GLRA1: variants seen among roughly 807,000 people sequenced by gnomAD.
GLRA1 encodes glycine receptor alpha 1.
In GLRA1, 37 loss-of-function variants were observed where a neutral mutation model predicts 48.3. The observed-to-expected ratio is 0.77, with a 90% confidence interval of 0.59 to 1.01. The LOEUF (loss-of-function observed/expected upper bound fraction) is 1.01. GLRA1 is among the 50% of genes least tolerant of loss of function. The probability of loss-of-function intolerance (pLI) is 0.00; values close to 1 mark genes in which losing one functional copy is unlikely to be tolerated. For synonymous variants in GLRA1, 196 were observed against 210.7 expected (o/e 0.93, Z 0.60); for missense variants, 427 against 571.0 (o/e 0.75, Z 2.57).
rs1348360268 is a variant in GLRA1 at position 151,924,529 on chromosome 5, A to C, written c.21T>G (p.Leu7=). 6.2e-7 allele frequency: 1 copy of C among 1,604,440 alleles called. No homozygotes were observed. Among genetic ancestry groups the C allele is most frequent in the Non-Finnish European group, 8.5e-7 (1 of 1,171,182 alleles). ...CAATGGTCTCCCAAAGGTAGAGTCG[A>C]AGAGTATTGAAGCTGTACATTTTTC... MYSFNT[L]RLYLWETIVF... is the part of the protein sequence containing the mutation. Residue 7 remains leucine, a synonymous_variant, in exon 1 of 9, where the codon CTT becomes CTG. Transcript: ENST00000274576.
intron 1 of GLRA1, among the ~76,000 whole-genome samples, chr5:151,897,426 A>G (rs761324736): frequency 1.3e-5 from 2 of 152,086 alleles, no homozygotes; most frequent in Non-Finnish European, 1.5e-5. Flanking sequence ...AATTTTCTGA[A>G]CCTTATAACA....
intron 1 of GLRA1, among the ~76,000 whole-genome samples, chr5:151,901,485 C>T (rs1006976483): frequency 2.0e-5 from 3 of 152,126 alleles, no homozygotes. Flanking sequence ...CTTAGAAGGC[C>T]CTACATAATC....
intron 8 of GLRA1, among the ~76,000 whole-genome samples, chr5:151,824,867 T>G (rs1421731831): frequency 6.6e-6 from 1 of 152,164 alleles, no homozygotes; most frequent in African/African-American, 2.4e-5. Flanking sequence ...ATGAACATAG[T>G]CCCTGGTTCA....
At chr5:151,891,229 C>T (rs1326247780) in intron 2 of GLRA1, among the ~76,000 whole-genome samples, 1 of 152,188 alleles carries the variant, frequency 6.6e-6, no homozygotes, top group Non-Finnish European at 1.5e-5. Context: ...CTTAAGACTG[C>T]ACCTGCAGGG....
At chr5:151,917,063 G>C (rs1754758589) in intron 1 of GLRA1, among the ~76,000 whole-genome samples, 1 of 152,154 alleles carries the variant, frequency 6.6e-6, no homozygotes, top group South Asian at 2.1e-4. Context: ...GGCTTTGAGA[G>C]CTCTGTCACC....
At chr5:151,830,741 C>A (rs1034092121) in intron 7 of GLRA1, among the ~76,000 whole-genome samples, 1 of 152,180 alleles carries the variant, frequency 6.6e-6, no homozygotes, top group Non-Finnish European at 1.5e-5. Context: ...ACGAACTTTA[C>A]GGAATTAATT....
intron 2 of GLRA1, 45 bp downstream of exon 2, chr5:151,892,266 T>G (rs1374433979): frequency 1.3e-6 from 2 of 1,591,050 alleles, no homozygotes; most frequent in Non-Finnish European, 1.7e-6. Flanking sequence ...TGCTTTAATC[T>G]GGGAAAGCAT....
At chr5:151,915,716 C>CAT (rs34164681) in intron 1 of GLRA1, among the ~76,000 whole-genome samples, 40,984 of 145,972 alleles carry the variant, frequency 0.28, 5,815 homozygotes, top group Admixed American at 0.36. Flanking sequence ...ATATGTAATA[C>CAT]ATATATATAT....
intron 2 of GLRA1, among the ~76,000 whole-genome samples, chr5:151,887,200 T>C (rs1351887499): frequency 6.6e-6 from 1 of 152,204 alleles, no homozygotes; most frequent in Non-Finnish European, 1.5e-5. Flanking sequence ...TGCCTTCAAC[T>C]TATGAACCAA....
At chr5:151,854,943 T>C in intron 6 of GLRA1, 97 bp downstream of exon 6, 2 of 1,345,776 alleles carry the variant, frequency 1.5e-6, no homozygotes, top group Non-Finnish European at 2.1e-6. Flanking sequence ...CTAGGTAATC[T>C]TCATAAGATC....
rs375546011 is a variant in GLRA1 at position 151,849,153 on chromosome 5, T to TTTCTTTCCTTC, written c.912+2236_912+2237insGAAGGAAAGAA. Reference sequence around the variant, plus strand: ...CTTTCTTTCTTTCTTTCTTTCTTTCTTTTCTTTTCTTTTCTTTCTTTCTTT... The same window carrying TTTCTTTCCTTC: ...CTTTCTTTCTTTCTTTCTTTCTTTCTTTCTTTCCTTCTTTCTTTTCTTTTCTTTCTTTCTTT... On this transcript the variant is annotated intron_variant, in intron 7 of 8. Transcript: ENST00000274576. 210 of 76,238 alleles carry TTTCTTTCCTTC rather than the reference T, an allele frequency of 2.8e-3. 16 individuals are homozygous for TTTCTTTCCTTC. The highest frequency in any genetic ancestry group is 0.014 in the African/African-American group (189 of 13,218). The allele number at this position is 76,238 out of a possible 1,614,324, so 4.7% of individuals were successfully genotyped here. A position where few individuals can be genotyped will look rare whatever the true frequency, so the allele number is the denominator to read the frequency against.
intron 1 of GLRA1, among the ~76,000 whole-genome samples, chr5:151,911,401 C>A (rs1754604101): frequency 6.6e-6 from 1 of 152,076 alleles, no homozygotes; most frequent in African/African-American, 2.4e-5. Context: ...TGTTGCTTGC[C>A]ATATGCAATG....
chr5:151,898,916 T>C lies in GLRA1; in HGVS notation c.57-6478A>G, dbSNP rs1459515691. On this transcript the variant is annotated intron_variant, in intron 1 of 8. Coordinates refer to ENST00000274576, the MANE Select transcript of GLRA1 (RefSeq NM_000171.4). ...TTAAATAAAACTTGAAGGTTAGATATGGAGTTGGCCTGGAAAAATATAGGA... is the reference window on the plus strand; with the variant it reads ...TTAAATAAAACTTGAAGGTTAGATACGGAGTTGGCCTGGAAAAATATAGGA... 3.3e-5 allele frequency among the ~76,000 whole-genome samples: 5 copies of C among 152,258 alleles called. No homozygotes were observed. In the East Asian group the frequency reaches 9.6e-4, roughly 29 times the overall value.
At chr5:151,851,310 C>T in intron 7 of GLRA1, 80 bp downstream of exon 7, 1 of 922,608 alleles carries the variant, frequency 1.1e-6, no homozygotes, top group East Asian at 2.4e-5. Flanking sequence ...CCTTTGCTCC[C>T]CATGTTTTAG....
intron 3 of GLRA1, among the ~76,000 whole-genome samples, chr5:151,867,536 A>T (rs1287799341): frequency 1.3e-5 from 2 of 152,202 alleles, no homozygotes. Flanking sequence ...TTAGCAGCAT[A>T]AATAATAATA....
At chr5:151,891,196 G>A (rs1754059651) in intron 2 of GLRA1, among the ~76,000 whole-genome samples, 1 of 152,238 alleles carries the variant, frequency 6.6e-6, no homozygotes, top group Admixed American at 6.5e-5. Context: ...GAAGGTCAGA[G>A]TGCATAGGCT....
chr5:151,923,708 A>C (rs1754934002), intron 1 of GLRA1, among the ~76,000 whole-genome samples: 1 of 152,232 alleles, frequency 6.6e-6, no homozygotes, highest in Admixed American at 6.5e-5. Context: ...GGGATAACTC[A>C]GCTGTTGAGT....
At position 151,877,659 on chromosome 5, in the gene GLRA1, G is replaced by A. The variant is rs144110693; in HGVS notation, c.252+9062C>T. 8.6e-3 allele frequency among the ~76,000 whole-genome samples: 1,309 copies of A among 152,208 alleles called. 16 individuals carry two copies. Among genetic ancestry groups the A allele is most frequent in the African/African-American group, 0.03 (1,255 of 41,488 alleles). On this transcript the variant is annotated intron_variant, in intron 3 of 8. Coordinates refer to ENST00000274576, the MANE Select transcript of GLRA1 (RefSeq NM_000171.4). ...TGGGAAGTAATTGAATCATGGGGGCGGGTCTTTCCCATGCTGTTCTCGTGA... is the reference window on the plus strand; with the variant it reads ...TGGGAAGTAATTGAATCATGGGGGCAGGTCTTTCCCATGCTGTTCTCGTGA...
intron 1 of GLRA1, among the ~76,000 whole-genome samples, chr5:151,914,581 T>C (rs909095600): frequency 6.6e-6 from 1 of 152,204 alleles, no homozygotes; most frequent in Admixed American, 6.5e-5. Context: ...CCAGAGACTA[T>C]GCTGCCCTTC....
Sources: gnomAD v4.1 joint callset for allele counts (sites outside exome capture counted in the v4.1 genomes callset) on GRCh38, gnomAD v4.1.1 for gene constraint, MANE v1.5 for transcripts, NCBI Gene and HGNC (gene_info 2026-07-23, HGNC 2026-07-21) for gene names.